KCTD1: variants seen among roughly 807,000 people sequenced by gnomAD.
KCTD1 encodes the protein potassium channel tetramerization domain containing 1.
In KCTD1, 24 loss-of-function variants were observed where a neutral mutation model predicts 66.0. That is an observed-to-expected ratio of 0.36 (90% CI 0.26 to 0.51). The LOEUF is 0.51. KCTD1 is among the 20% of genes least tolerant of loss of function. The pLI is 0.95. For missense variants in KCTD1, 943 were observed against 1,205.2 expected (o/e 0.78, Z 3.22); for synonymous variants, 511 against 517.2 (o/e 0.99, Z 0.16).
chr18:26,543,140 C>G (rs148296551), intron 1 of KCTD1: 1 of 152,282 alleles, frequency 6.6e-6, no homozygotes, highest in East Asian at 1.9e-4. Context: ...AAGTTATATA[C>G]TTATGTACAA....
intron 3 of KCTD1, among the ~76,000 whole-genome samples, chr18:26,463,785 C>T (rs1379155687): frequency 6.6e-6 from 1 of 152,266 alleles, no homozygotes; most frequent in Non-Finnish European, 1.5e-5. Context: ...GATCCACCTG[C>T]CTCAGCCTCC....
chr18:26,641,095 G>A (rs1302400564), upstream of KCTD1, among the ~76,000 whole-genome samples: 1 of 152,152 alleles, frequency 6.6e-6, no homozygotes, highest in Non-Finnish European at 1.5e-5. Context: ...TCATCTCACT[G>A]TCCCAGCCTG....
At chr18:26,597,008 G>A (rs563115010) in intron 1 of KCTD1, among the ~76,000 whole-genome samples, 23 of 151,906 alleles carry the variant, frequency 1.5e-4, no homozygotes, top group Admixed American at 6.5e-4. Context: ...GGTCCTATGG[G>A]CCTGCTCTGG....
At chr18:26,533,061 G>C (rs1300080597) in intron 1 of KCTD1, among the ~76,000 whole-genome samples, 2 of 152,320 alleles carry the variant, frequency 1.3e-5, no homozygotes, top group Middle Eastern at 3.4e-3. Context: ...AACCTCTGTA[G>C]CCTATGAGAT....
intron 3 of KCTD1, among the ~76,000 whole-genome samples, chr18:26,471,699 A>G (rs1413078711): frequency 1.3e-5 from 2 of 152,142 alleles, no homozygotes; most frequent in Admixed American, 6.5e-5. Context: ...ATTTTGCAAG[A>G]TGTTATTACT....
At chr18:26,565,033 GTCT>G (rs1297280466) in intron 1 of KCTD1, among the ~76,000 whole-genome samples, 1 of 152,190 alleles carries the variant, frequency 6.6e-6, no homozygotes, top group African/African-American at 2.4e-5. Flanking sequence ...TGTTAGTCAA[GTCT>G]TCTAAAAAGT....
intron 1 of KCTD1, among the ~76,000 whole-genome samples, chr18:26,503,808 T>C (rs1223787743): frequency 6.6e-6 from 1 of 150,506 alleles, no homozygotes; most frequent in Non-Finnish European, 1.5e-5. Flanking sequence ...GCAATGGATA[T>C]TGCTAAATTT....
intron 1 of KCTD1, among the ~76,000 whole-genome samples, chr18:26,520,725 C>G (rs567117966): frequency 6.6e-6 from 1 of 152,332 alleles, no homozygotes; most frequent in South Asian, 2.1e-4. Context: ...AAACAAGAGG[C>G]TGGAAAATTA....
intron 1 of KCTD1, among the ~76,000 whole-genome samples, chr18:26,656,731 C>A (rs1988154493): frequency 6.6e-6 from 1 of 151,410 alleles, no homozygotes; most frequent in South Asian, 2.1e-4. Context: ...GCCCCTACCC[C>A]CGGCAGGAGC....
intron 1 of KCTD1, among the ~76,000 whole-genome samples, chr18:26,562,306 A>T (rs974428288): frequency 6.6e-5 from 10 of 151,956 alleles, no homozygotes; most frequent in African/African-American, 2.4e-4. Context: ...ATCTCAGCTC[A>T]CTGCAGCCTT....
chr18:26,461,475 C>T (rs939512066), intron 3 of KCTD1, among the ~76,000 whole-genome samples: 1 of 152,196 alleles, frequency 6.6e-6, no homozygotes, highest in Non-Finnish European at 1.5e-5. Context: ...AGCCTCCTGA[C>T]CCAGAGGAGA....
At chr18:26,580,418 T>C (rs1055447062) in intron 1 of KCTD1, among the ~76,000 whole-genome samples, 4 of 152,036 alleles carry the variant, frequency 2.6e-5, no homozygotes, top group African/African-American at 9.7e-5. Flanking sequence ...ACCTTTATCA[T>C]TCAGTCAGAT....
At chr18:26,558,211 A>G (rs978643498) in intron 1 of KCTD1, among the ~76,000 whole-genome samples, 1 of 152,218 alleles carries the variant, frequency 6.6e-6, no homozygotes, top group African/African-American at 2.4e-5. Flanking sequence ...TGTGCTCAAC[A>G]TCACTGATCA....
At chr18:26,621,195 T>G (rs1987376214) in intron 1 of KCTD1, among the ~76,000 whole-genome samples, 1 of 152,104 alleles carries the variant, frequency 6.6e-6, no homozygotes, top group African/African-American at 2.4e-5. Flanking sequence ...TTAGGGTACA[T>G]GTTTATCTTT....
chr18:26,466,514 A>C (rs1024544934), intron 3 of KCTD1, among the ~76,000 whole-genome samples: 4 of 152,184 alleles, frequency 2.6e-5, no homozygotes, highest in Non-Finnish European at 5.9e-5. Context: ...TGGTTGTTGC[A>C]ACCGGGAAGG....
At chr18:26,558,504 C>T (rs1458331979) in intron 1 of KCTD1, among the ~76,000 whole-genome samples, 58 of 152,320 alleles carry the variant, frequency 3.8e-4, no homozygotes, top group Non-Finnish European at 6.6e-4. Context: ...TATCTGTACT[C>T]CCATGTTTGT....
intron 1 of KCTD1, chr18:26,544,081 C>G (rs954011465): frequency 6.6e-6 from 1 of 152,142 alleles, no homozygotes; most frequent in Non-Finnish European, 1.5e-5. Context: ...GCTTGCAAAC[C>G]GTACCAATAA....
intron 1 of KCTD1, among the ~76,000 whole-genome samples, chr18:26,638,936 C>A (rs967562651): frequency 6.6e-6 from 1 of 152,218 alleles, no homozygotes; most frequent in Admixed American, 6.5e-5. Flanking sequence ...CAACAGCCTC[C>A]GTTCCTTCTT....
At chr18:26,458,509 T>C (rs1391307810) in intron 4 of KCTD1, 1 of 152,246 alleles carries the variant, frequency 6.6e-6, no homozygotes, top group Non-Finnish European at 1.5e-5. Context: ...GGTGTGCCTC[T>C]GCCTTCCCAT....
Sources: allele counts gnomAD v4.1 joint callset (sites outside exome capture counted in the v4.1 genomes callset), GRCh38; gene constraint gnomAD v4.1.1; transcripts MANE v1.5; gene names NCBI Gene and HGNC (gene_info 2026-07-23, HGNC 2026-07-21).